ASCC3: variants seen among roughly 807,000 people sequenced by gnomAD.
ASCC3 encodes the protein activating signal cointegrator 1 complex subunit 3.
ASCC3 carries 158 observed loss-of-function variants against 256.3 expected under a neutral mutation model. The ratio of observed to expected loss-of-function variants is 0.62; its 90% CI spans 0.54 to 0.70. ASCC3 has a LOEUF of 0.70. ASCC3 is among the 30% of genes least tolerant of loss of function. The pLI is 0.00. For synonymous variants in ASCC3, 948 were observed against 883.4 expected (o/e 1.07, Z -1.30); for missense variants, 2,259 against 2,626.0 (o/e 0.86, Z 3.05).
intron 10 of ASCC3, among the ~76,000 whole-genome samples, chr6:100,756,682 G>C (rs1246540069): frequency 6.6e-6 from 1 of 152,010 alleles, no homozygotes; most frequent in Admixed American, 6.6e-5. Context: ...CAAAGTTTTG[G>C]GGTCAAACTG....
chr6:100,530,174 T>A (rs1223034622), intron 37 of ASCC3: 2 of 623,464 alleles, frequency 3.2e-6, no homozygotes, highest in Non-Finnish European at 5.8e-6. Context: ...AGATGTGTTT[T>A]CCTTTCATGA....
intron 13 of ASCC3, among the ~76,000 whole-genome samples, chr6:100,681,058 A>G (rs1311252266): frequency 1.3e-5 from 2 of 152,200 alleles, no homozygotes; most frequent in East Asian, 3.8e-4. Context: ...GTATCTCTAT[A>G]TTTAAGCCAT....
chr6:100,602,305 TATA>T (rs1178172212), intron 33 of ASCC3, among the ~76,000 whole-genome samples: 1 of 152,166 alleles, frequency 6.6e-6, no homozygotes, highest in African/African-American at 2.4e-5. Context: ...AAAGTACTAT[TATA>T]ATAATATTTT....
chr6:100,594,789 T>C (rs1772195992), intron 34 of ASCC3, among the ~76,000 whole-genome samples: 1 of 152,080 alleles, frequency 6.6e-6, no homozygotes, highest in Non-Finnish European at 1.5e-5. Context: ...ATATAAGTGC[T>C]CATCAATGGA....
intron 36 of ASCC3, among the ~76,000 whole-genome samples, chr6:100,550,589 G>C (rs1769240484): frequency 6.6e-6 from 1 of 151,962 alleles, no homozygotes; most frequent in Non-Finnish European, 1.5e-5. Flanking sequence ...CAGAGAATCA[G>C]CATATCTGAA....
At chr6:100,532,813 G>C in intron 37 of ASCC3, among the ~76,000 whole-genome samples, 1 of 151,968 alleles carries the variant, frequency 6.6e-6, no homozygotes, top group East Asian at 1.9e-4. Context: ...CAAGAATGCA[G>C]TTTTACCAAA....
chr6:100,777,333 T>G (rs1213834000), intron 8 of ASCC3, among the ~76,000 whole-genome samples: 2 of 152,086 alleles, frequency 1.3e-5, no homozygotes, highest in Admixed American at 6.6e-5. Flanking sequence ...ACTCTGATCT[T>G]TCATTTATAG....
chr6:100,724,148 C>CA (rs574759618), intron 11 of ASCC3, among the ~76,000 whole-genome samples: 57,326 of 126,146 alleles, frequency 0.45, 12,153 homozygotes, highest in South Asian at 0.62. Flanking sequence ...TACAAAAAAA[C>CA]AAAAAAAAAA....
intron 34 of ASCC3, among the ~76,000 whole-genome samples, chr6:100,597,690 G>T (rs1245240667): frequency 6.6e-6 from 1 of 151,644 alleles, no homozygotes; most frequent in Non-Finnish European, 1.5e-5. Flanking sequence ...TGGATAAACT[G>T]GGCCAGGCGT....
intron 3 of ASCC3, among the ~76,000 whole-genome samples, chr6:100,853,420 C>CTTTTTTTTTTTTTT (rs11299576): frequency 7.8e-6 from 1 of 127,668 alleles, no homozygotes. Flanking sequence ...ATAAATATTC[C>CTTTTTTTTTTTTTT]TTTTTTTTTT....
chr6:100,762,069 G>T (rs1399771197), intron 10 of ASCC3, among the ~76,000 whole-genome samples: 1 of 152,100 alleles, frequency 6.6e-6, no homozygotes, highest in Non-Finnish European at 1.5e-5. Context: ...AACCACAATT[G>T]CTGGAGCTTT....
chr6:100,606,082 T>A (rs1772871041), intron 32 of ASCC3, among the ~76,000 whole-genome samples: 1 of 151,966 alleles, frequency 6.6e-6, no homozygotes, highest in Non-Finnish European at 1.5e-5. Flanking sequence ...AGCAGAGTCA[T>A]TTGATTATTT....
At chr6:100,644,643 T>C (rs1382184178) in intron 22 of ASCC3, among the ~76,000 whole-genome samples, 1 of 152,196 alleles carries the variant, frequency 6.6e-6, no homozygotes, top group Non-Finnish European at 1.5e-5. Context: ...CCCAGTCTTG[T>C]TCAGCAAGCA....
At chr6:100,605,279 T>G (rs1772823186) in intron 33 of ASCC3, among the ~76,000 whole-genome samples, 1 of 152,154 alleles carries the variant, frequency 6.6e-6, no homozygotes, top group Non-Finnish European at 1.5e-5. Flanking sequence ...GTTAAGCAAC[T>G]TGCTCAAGAT....
At chr6:100,530,500 C>A in intron 37 of ASCC3, 1 of 789,302 alleles carries the variant, frequency 1.3e-6, no homozygotes, top group Non-Finnish European at 2.3e-6. Context: ...GACAAAGATC[C>A]TCAAAATGAG....
chr6:100,580,719 C>T (rs1771182784), intron 36 of ASCC3, among the ~76,000 whole-genome samples: 1 of 149,426 alleles, frequency 6.7e-6, no homozygotes, highest in African/African-American at 2.5e-5. Flanking sequence ...TCTCCCAATG[C>T]TATCCTTCTC....
intron 4 of ASCC3, among the ~76,000 whole-genome samples, chr6:100,847,701 C>A (rs567770532): frequency 2.0e-5 from 3 of 152,224 alleles, no homozygotes; most frequent in East Asian, 3.9e-4. Flanking sequence ...GATAGCCCAA[C>A]AAGAAAACTG....
intron 41 of ASCC3, 107 bp from the exon 42 acceptor site, chr6:100,509,640 C>G: frequency 8.8e-7 from 1 of 1,132,086 alleles, no homozygotes; most frequent in Non-Finnish European, 1.3e-6. Flanking sequence ...GTGGCTCACG[C>G]CTGTAATCCC....
chr6:100,805,878 T>G lies in ASCC3; in HGVS notation c.804A>C (p.Leu268=). Residue 268 remains leucine (L), a splice_region_variant and synonymous_variant, in exon 5 of 42, where the codon CTA becomes CTC. Transcript: ENST00000369162. The stretch of plus-strand genomic sequence containing the variant: ...GTCCTTCAGGTCCCAGCAGTTCAAA[T>G]AGCTTATAAAAAGAGAAAAAAGTAA... The part of the protein sequence containing the change: ...IKSGDELQDE[L]FELLGPEGLE... 6.2e-7 allele frequency: 1 copy of G among 1,610,606 alleles called. No homozygotes were observed. Among genetic ancestry groups the G allele is most frequent in the Non-Finnish European group, 8.5e-7 (1 of 1,178,320 alleles).
Sources: gnomAD v4.1 joint callset for allele counts (sites outside exome capture counted in the v4.1 genomes callset) on GRCh38, gnomAD v4.1.1 for gene constraint, MANE v1.5 for transcripts, NCBI Gene and HGNC (gene_info 2026-07-23, HGNC 2026-07-21) for gene names.